The following MIB1 variants were observed in gnomAD, a reference collection of about 807,000 sequenced individuals.
MIB1 encodes MIB E3 ubiquitin protein ligase 1.
In MIB1, 278 loss-of-function variants were observed where a neutral mutation model predicts 124.5. The observed-to-expected ratio is 2.23, with a 90% CI of 2.02 to 2.47. The LOEUF is 2.47. MIB1 is among the 30% of genes most tolerant of loss of function. MIB1 has a pLI of 0.00. For synonymous variants in MIB1, 446 were observed against 429.4 expected, an observed-to-expected ratio of 1.04 and a Z score of -0.48; for missense variants, 957 against 1,254.4, an observed-to-expected ratio of 0.76 and a Z score of 3.58.
intron 1 of MIB1, among the ~76,000 whole-genome samples, chr18:21,714,935 G>T (rs930413220): frequency 2.0e-5 from 3 of 152,156 alleles, no homozygotes; most frequent in Non-Finnish European, 2.9e-5. Flanking sequence ...CAGTAAATTG[G>T]GGGGGATCAC....
chr18:21,811,855 TA>T (rs2041777501), intron 10 of MIB1, among the ~76,000 whole-genome samples: 1 of 152,172 alleles, frequency 6.6e-6, no homozygotes, highest in Non-Finnish European at 1.5e-5. Context: ...ATTGTACATT[TA>T]AAAATGGTGA....
At chr18:21,848,956 C>T (rs532716406) in intron 16 of MIB1, among the ~76,000 whole-genome samples, 413 of 151,814 alleles carry the variant, frequency 2.7e-3, no homozygotes, top group Non-Finnish European at 4.9e-3. Context: ...GAAGATTCAC[C>T]CTTTTCCATT....
rs146823897 is a variant in MIB1, at chr18:21,849,212, C to G, written c.2410C>G (p.Arg804Gly). The change falls in exon 17 of 21, where the codon CGG becomes GGG. Residue 804 changes from arginine to glycine, a missense_variant. Transcript: ENST00000261537. ...TTTTATTAGTGGTCAAGTGGGTTCTCGGAGTCCTTCTATGATTAGTAATGA... is the reference window on the plus strand; with the variant it reads ...TTTTATTAGTGGTCAAGTGGGTTCTGGGAGTCCTTCTATGATTAGTAATGA... ...KEKVSGQVGS[R>G]SPSMISNDSE... 6.4e-7 allele frequency: 1 copy of G among 1,558,710 alleles called. No individual in the cohort carries two copies. Among genetic ancestry groups the G allele is most frequent in the African/African-American group, 1.4e-5 (1 of 72,308 alleles).
At chr18:21,819,023 T>C (rs764622364) in intron 11 of MIB1, among the ~76,000 whole-genome samples, 3 of 152,150 alleles carry the variant, frequency 2.0e-5, no homozygotes, top group Non-Finnish European at 2.9e-5. Flanking sequence ...TGGCCAGTGT[T>C]TCTTGCCTGT....
chr18:21,723,662 C>A (rs1193654847), intron 1 of MIB1, among the ~76,000 whole-genome samples: 2 of 151,998 alleles, frequency 1.3e-5, no homozygotes, highest in African/African-American at 2.4e-5. Context: ...ATTATAGGCA[C>A]CCGCCACCAC....
At chr18:21,860,597 G>T (rs1357785318) in intron 20 of MIB1, among the ~76,000 whole-genome samples, 1 of 152,158 alleles carries the variant, frequency 6.6e-6, no homozygotes, top group Non-Finnish European at 1.5e-5. Context: ...GGCTTGAGCA[G>T]TTCTTTAGTT....
chr18:21,727,917 G>A (rs1425735464), intron 1 of MIB1, among the ~76,000 whole-genome samples: 1 of 152,168 alleles, frequency 6.6e-6, no homozygotes, highest in Non-Finnish European at 1.5e-5. Flanking sequence ...CCTCAGGTTA[G>A]ACTAAAGCCA....
chr18:21,789,303 G>A (rs2041474456), intron 6 of MIB1, among the ~76,000 whole-genome samples: 1 of 151,914 alleles, frequency 6.6e-6, no homozygotes, highest in Admixed American at 6.6e-5. Context: ...GTGTTTCTTG[G>A]TGGGTGTCGG....
intron 1 of MIB1, among the ~76,000 whole-genome samples, chr18:21,743,721 A>G (rs16945659): frequency 0.24 from 36,832 of 151,808 alleles, 4,853 homozygotes; most frequent in South Asian, 0.39. Context: ...TCTGACCACA[A>G]CCCTTATTTG....
At chr18:21,856,248 A>AAAAAACT (rs1166621531) in intron 18 of MIB1, among the ~76,000 whole-genome samples, 2 of 129,956 alleles carry the variant, frequency 1.5e-5, no homozygotes, top group African/African-American at 2.7e-5. Context: ...AAAAAAAAAC[A>AAAAAACT]AAAAACAAAA....
chr18:21,724,755 T>TATAC (rs1419699690), intron 1 of MIB1, among the ~76,000 whole-genome samples: 1 of 100,522 alleles, frequency 9.9e-6, no homozygotes, highest in Non-Finnish European at 2.0e-5. Context: ...TATATATATA[T>TATAC]ATATATATAT....
intron 20 of MIB1, among the ~76,000 whole-genome samples, chr18:21,860,125 T>TTTTTTTTTTTTA (rs1273694921): frequency 9.3e-6 from 1 of 107,230 alleles, no homozygotes; most frequent in Non-Finnish European, 2.0e-5. Flanking sequence ...TTTTTTTTTT[T>TTTTTTTTTTTTA]AGAGTCTCAC....
intron 1 of MIB1, among the ~76,000 whole-genome samples, chr18:21,707,657 C>T (rs2040645865): frequency 6.6e-6 from 1 of 152,118 alleles, no homozygotes; most frequent in Non-Finnish European, 1.5e-5. Context: ...CTCTGGACGC[C>T]CCTCTTTTAA....
At chr18:21,730,859 A>G (rs1007012605) in intron 1 of MIB1, among the ~76,000 whole-genome samples, 1 of 152,140 alleles carries the variant, frequency 6.6e-6, no homozygotes, top group African/African-American at 2.4e-5. Flanking sequence ...ATAAATTTCA[A>G]CAGTCTTGCA....
chr18:21,826,846 A>G (rs1388007393), intron 12 of MIB1: 2 of 152,130 alleles, frequency 1.3e-5, no homozygotes, highest in African/African-American at 4.8e-5. Flanking sequence ...CACTAAGTAT[A>G]TTCTGCGTCT....
chr18:21,822,679 A>G (rs1157811772), intron 12 of MIB1, among the ~76,000 whole-genome samples: 7 of 129,434 alleles, frequency 5.4e-5, no homozygotes, highest in Non-Finnish European at 1.1e-4. Flanking sequence ...TTTTTTTCAT[A>G]TCAAATTTCT....
intron 12 of MIB1, among the ~76,000 whole-genome samples, chr18:21,824,605 GGTGTA>G (rs764688990): frequency 5.7e-4 from 86 of 152,116 alleles, no homozygotes; most frequent in Non-Finnish European, 1.0e-3. Flanking sequence ...CTGTGACTGA[GGTGTA>G]ATTAATAGGA....
In MIB1 at chr18:21,803,952, C is replaced by T. The variant is rs1386314249; in HGVS notation, c.1417C>T (p.Gln473Ter). 3.1e-6 allele frequency: 5 copies of T among 1,613,700 alleles called. No homozygotes were observed. The highest frequency in any genetic ancestry group is 1.1e-5 in the South Asian group (1 of 91,064). The change falls in exon 10 of 21, where the codon CAG becomes TAG. Residue 473 changes from glutamine to a stop codon, truncating the protein, a stop_gained. Transcript: ENST00000261537. LOFTEE classifies it high-confidence loss of function. ...CCACACAGCTATGCAAGCTGCTAGT[C>T]AGAATGGACATGTTGACATTTTGAA... ...AGHTAMQAAS[Q>*]NGHVDILKLL...
rs1171360133 is a variant in MIB1, at chr18:21,724,863, C to T, written n.167+19740C>T. Among the ~76,000 whole-genome samples, 4 of 142,040 alleles carry T rather than the reference C, an allele frequency of 2.8e-5. No individual in the cohort carries two copies. In the East Asian group the frequency reaches 6.3e-4, roughly 22 times the overall value. 93.2% of individuals were successfully genotyped at this position (142,040 alleles called of 152,430 possible). A position where few individuals can be genotyped will look rare whatever the true frequency, so the allele number is the denominator to read the frequency against. On this transcript the variant is annotated intron_variant and non_coding_transcript_variant, in intron 1 of 20. Transcript: ENST00000578646. Reference sequence around the variant, plus strand: ...ATCCCAACACTTTGGGAGACCGAGGCGGGCGGATCACGAGGTCAGGAGATC... The same window carrying T: ...ATCCCAACACTTTGGGAGACCGAGGTGGGCGGATCACGAGGTCAGGAGATC...
Sources: gnomAD v4.1 joint callset for allele counts (sites outside exome capture counted in the v4.1 genomes callset) on GRCh38, gnomAD v4.1.1 for gene constraint, MANE v1.5 for transcripts, NCBI Gene and HGNC (gene_info 2026-07-23, HGNC 2026-07-21) for gene names.